Variants in NRAP observed in about 807,000 individuals in gnomAD.
NRAP encodes the protein nebulin-related-anchoring protein.
A neutral mutation model predicts 225.9 loss-of-function variants in NRAP; 189 were observed. That is an observed-to-expected ratio of 0.84 (90% CI 0.74 to 0.94). The LOEUF (loss-of-function observed/expected upper bound fraction) is 0.94. Among genes scored for constraint, NRAP ranks in the 40% least tolerant of loss-of-function variants. The pLI, the probability that NRAP is intolerant of heterozygous loss-of-function variation, is 0.00. For synonymous variants in NRAP, 769 were observed against 790.7 expected (o/e 0.97, Z 0.46); for missense variants, 2,176 against 2,168.7 (o/e 1.00, Z -0.07).
At chr10:113,604,360 C>A (rs1032603107) in intron 35 of NRAP, among the ~76,000 whole-genome samples, 1 of 152,174 alleles carries the variant, frequency 6.6e-6, no homozygotes, top group African/African-American at 2.4e-5. Context: ...CGTGATCCGC[C>A]TGGCTCAGCC....
In NRAP at chr10:113,654,109, C is replaced by G. The variant is rs1850157687; in HGVS notation, c.377G>C (p.Gly126Ala). The change falls in exon 5 of 42, where the codon GGA becomes GCA. Residue 126 changes from glycine (G) to alanine (A), a missense_variant. Around this residue, in one of 3 missense-constraint regions of NRAP, gnomAD observed 1,708 missense variants for 1,695.5 expected, o/e 1.01. Transcript: ENST00000359988. ...GCACCAAGCATTCCCTTCCCCATAT[C>G]CAGTCCAATAGGCTCTCTACAAAGG... ...PLANERAYWT[G>A]YGEGNAWCPG... The G allele has an allele frequency of 6.2e-7, 1 of 1,610,960 alleles. No homozygotes were observed. Among genetic ancestry groups the G allele is most frequent in the Admixed American group, 1.7e-5 (1 of 59,988 alleles).
chr10:113,610,126 GA>G (rs935838496), intron 31 of NRAP, among the ~76,000 whole-genome samples: 3 of 152,116 alleles, frequency 2.0e-5, no homozygotes, highest in Non-Finnish European at 4.4e-5. Context: ...ACAACAGGTG[GA>G]TCACTTGAGG....
At chr10:113,614,407 G>A in intron 28 of NRAP, 111 bp from the exon 29 acceptor site, 2 of 785,992 alleles carry the variant, frequency 2.5e-6, no homozygotes, top group Admixed American at 3.9e-5. Context: ...AGCTGGGTGA[G>A]TTAAAAGAAA....
intron 30 of NRAP, 77 bp from the exon 31 acceptor site, chr10:113,610,640 T>C (rs1847271914): frequency 1.2e-6 from 1 of 826,086 alleles, no homozygotes; most frequent in Admixed American, 1.9e-5. Flanking sequence ...ACCAGAGGTC[T>C]CATGACACAG....
chr10:113,629,609 C>T lies in NRAP; in HGVS notation c.2019G>A (p.Lys673=), dbSNP rs1848471216. Residue 673 remains lysine, a synonymous_variant, in exon 19 of 42, where the codon AAG becomes AAA. Transcript: ENST00000359988. The part of the protein sequence containing the change: ...PEDMKTQWAK[K]AYGLQSELQY... ...TCACCTCGCTCTGGAGCCCATAGGC[C>T]TTCTTGGCCCACTGAGTCTTCATAT... 1 of 1,613,258 alleles carries T rather than the reference C, an allele frequency of 6.2e-7. No homozygotes were observed. The highest frequency in any genetic ancestry group is 1.3e-5 in the African/African-American group (1 of 74,928).
Position 113,629,021 on chromosome 10 carries a change from G to C in NRAP, c.2041C>G (p.Leu681Val). The change falls in exon 20 of 42, where the codon CTG becomes GTG. Residue 681 changes from leucine (L) to valine (V), a missense_variant and splice_region_variant. By Grantham distance (32) the Leu-to-Val change is conservative (BLOSUM62 1). Around this residue, in one of 3 missense-constraint regions of NRAP, gnomAD observed 1,708 missense variants for 1,695.5 expected, o/e 1.01. Coordinates refer to ENST00000359988, the MANE Select transcript of NRAP (RefSeq NM_198060.4). Reference protein sequence around the residue: ...AKKAYGLQSELQYKADLAWMK... With the variant: ...AKKAYGLQSEVQYKADLAWMK... Reference sequence around the variant, plus strand: ...CATGCCAGGTCAGCCTTGTACTGCAGCTACAAAAGAAAAACCACAAAGCTC... The same window carrying C: ...CATGCCAGGTCAGCCTTGTACTGCACCTACAAAAGAAAAACCACAAAGCTC... 6.2e-7 allele frequency: 1 copy of C among 1,610,372 alleles called. No individual in the cohort carries two copies. Among genetic ancestry groups the C allele is most frequent in the Non-Finnish European group, 8.5e-7 (1 of 1,176,658 alleles).
intron 25 of NRAP, 65 bp from the exon 26 acceptor site, chr10:113,617,618 A>C (rs1847747130): frequency 1.1e-6 from 1 of 934,472 alleles, no homozygotes; most frequent in African/African-American, 1.6e-5. Flanking sequence ...TTTGAAAGAG[A>C]AAATCATAGG....
intron 19 of NRAP, 65 bp from the exon 20 acceptor site, chr10:113,629,086 G>C: frequency 8.9e-7 from 1 of 1,127,788 alleles, no homozygotes; most frequent in Non-Finnish European, 1.4e-6. Flanking sequence ...AAGTTGATGG[G>C]AGAGTTAAGA....
intron 35 of NRAP, among the ~76,000 whole-genome samples, chr10:113,599,680 C>A (rs1481994351): frequency 6.6e-6 from 1 of 152,150 alleles, no homozygotes; most frequent in Non-Finnish European, 1.5e-5. Flanking sequence ...TGACTATTCA[C>A]GCAGACCCTA....
rs1300220758 is a variant in NRAP at position 113,589,057 on chromosome 10, GC to G, written c.5110del (p.Ala1704LeufsTer9). ...CACCTCCCCACTCTGATGATCTCCAGCCTCCACTGCTTCTGCCCCCCGCTGC... is the reference window on the plus strand; with the variant it reads ...CACCTCCCCACTCTGATGATCTCCAGCTCCACTGCTTCTGCCCCCCGCTGC... ...GAYRGAEAVE[A>X]GDHQSGEVNP... On this transcript the variant is annotated frameshift_variant, in exon 42 of 42. Transcript: ENST00000359988. LOFTEE classifies it high-confidence loss of function. 2 of 1,613,912 alleles carry G rather than the reference GC, an allele frequency of 1.2e-6. No individual in the cohort carries two copies. Among genetic ancestry groups the G allele is most frequent in the South Asian group, 2.2e-5 (2 of 91,064 alleles).
At chr10:113,652,119 C>A (rs1462246750) in intron 6 of NRAP, among the ~76,000 whole-genome samples, 1 of 152,150 alleles carries the variant, frequency 6.6e-6, no homozygotes, top group Non-Finnish European at 1.5e-5. Context: ...CACACTCCAA[C>A]AAATATTAAC....
intron 17 of NRAP, 65 bp from the exon 18 acceptor site, chr10:113,631,675 T>C (rs1284824757): frequency 9.1e-7 from 1 of 1,094,364 alleles, no homozygotes; most frequent in Admixed American, 1.9e-5. Context: ...GGGGCTCTGG[T>C]TTTAACAAGT....
At chr10:113,618,485 T>G (rs1847797101) in intron 25 of NRAP, among the ~76,000 whole-genome samples, 1 of 152,260 alleles carries the variant, frequency 6.6e-6, no homozygotes, top group Non-Finnish European at 1.5e-5. Context: ...GTGCTGCCTA[T>G]GGCCATTTTC....
chr10:113,599,071 A>C (rs755720038), intron 35 of NRAP, among the ~76,000 whole-genome samples: 44 of 152,248 alleles, frequency 2.9e-4, no homozygotes, highest in Non-Finnish European at 5.1e-4. Context: ...CTCTAAGAAA[A>C]TCTAAAATTT....
At chr10:113,635,572 C>T (rs112358030) in intron 14 of NRAP, among the ~76,000 whole-genome samples, 4,293 of 152,278 alleles carry the variant, frequency 0.028, 212 homozygotes, top group African/African-American at 0.098. Context: ...GAACTACAGG[C>T]GTGCACCACT....
At chr10:113,640,659 T>C (rs1252293777) in intron 13 of NRAP, among the ~76,000 whole-genome samples, 2 of 152,152 alleles carry the variant, frequency 1.3e-5, no homozygotes, top group African/African-American at 2.4e-5. Flanking sequence ...AGAAAATAGA[T>C]GGAAAGGTGA....
chr10:113,626,296 C>T (rs1325117482), intron 20 of NRAP, 151 bp from the exon 21 acceptor site: 2 of 606,056 alleles, frequency 3.3e-6, no homozygotes. Flanking sequence ...TTGAACAGAA[C>T]CACACAGCCC....
intron 23 of NRAP, among the ~76,000 whole-genome samples, chr10:113,622,428 C>G (rs990124309): frequency 6.6e-6 from 1 of 152,016 alleles, no homozygotes; most frequent in Non-Finnish European, 1.5e-5. Context: ...TAAAAGTAGC[C>G]GTGAAATGAG....
Position 113,592,186 on chromosome 10 carries a change from G to C in NRAP, c.4644+8C>G, listed in dbSNP as rs759765320. ...CAGTGACCGCAGGAGAGAACATGGG[G>C]GTCTTACATCACTGGCGATCTCCCT... On this transcript the variant is annotated splice_region_variant and intron_variant, in intron 39 of 41. Transcript: ENST00000359988. 2.6e-6 allele frequency: 4 copies of C among 1,567,608 alleles called. No individual in the cohort carries two copies. Among genetic ancestry groups the C allele is most frequent in the Non-Finnish European group, 3.5e-6 (4 of 1,142,032 alleles).
Sources: gnomAD v4.1 joint callset for allele counts (sites outside exome capture counted in the v4.1 genomes callset) on GRCh38, gnomAD v4.1.1 for gene constraint, gnomAD v4.1.1 regional missense constraint, MANE v1.5 for transcripts, NCBI Gene and HGNC (gene_info 2026-07-23, HGNC 2026-07-21) for gene names.